Variants in FRMPD4 observed in about 807,000 individuals in gnomAD.
The protein encoded by FRMPD4 is FERM and PDZ domain containing 4, also known as FERM and PDZ domain-containing protein 4.
Under a neutral mutation model 94.1 loss-of-function variants are expected in FRMPD4, and 22 were observed. The observed-to-expected ratio is 0.23, with a 90% CI of 0.17 to 0.33. FRMPD4 has a LOEUF of 0.33. Among genes scored for constraint, FRMPD4 ranks in the 10% least tolerant of loss-of-function variants. The pLI, the probability that FRMPD4 is intolerant of heterozygous loss-of-function variation, is 1.00. For missense variants in FRMPD4, 1,111 were observed against 1,339.9 expected, an observed-to-expected ratio of 0.83 and a Z score of 2.67; for synonymous variants, 631 against 548.6, an observed-to-expected ratio of 1.15 and a Z score of -2.10.
At chrX:12,024,130 C>T (rs777925615) in intron 3 of FRMPD4, among the ~76,000 whole-genome samples, 35 of 112,042 alleles carry the variant, frequency 3.1e-4, no homozygotes, top group African/African-American at 1.1e-3. Flanking sequence ...TATCTATAAT[C>T]TGTACTCTAG....
intron 3 of FRMPD4, among the ~76,000 whole-genome samples, chrX:11,987,121 A>AAAAAAAAAAAAAAC (rs2054434883): frequency 1.1e-5 from 1 of 91,405 alleles, no homozygotes; most frequent in Non-Finnish European, 2.3e-5. Context: ...AAAAAAAAAA[A>AAAAAAAAAAAAAAC]AAAAAAAACA....
chrX:11,900,015 A>G (rs2053925704), intron 3 of FRMPD4, among the ~76,000 whole-genome samples: 1 of 112,169 alleles, frequency 8.9e-6, no homozygotes, highest in South Asian at 3.7e-4. Context: ...GATGTAACAG[A>G]TAGTTTTAGG....
chrX:12,228,936 C>A (rs2056953213), intron 1 of FRMPD4, among the ~76,000 whole-genome samples: 1 of 111,765 alleles, frequency 8.9e-6, no homozygotes, highest in Non-Finnish European at 1.9e-5. Context: ...CTTTAGAAGC[C>A]TGTGTCAGTT....
intron 3 of FRMPD4, among the ~76,000 whole-genome samples, chrX:12,011,021 A>C (rs1245145111): frequency 8.9e-6 from 1 of 112,720 alleles, no homozygotes; most frequent in African/African-American, 3.2e-5. Flanking sequence ...GGTGTAAGAC[A>C]GGAAAACCAT....
At chrX:11,846,748 T>G (rs1230522251) in intron 1 of FRMPD4, among the ~76,000 whole-genome samples, 1 of 109,018 alleles carries the variant, frequency 9.2e-6, no homozygotes, top group Non-Finnish European at 1.9e-5. Context: ...CTATCTGATC[T>G]TTGGCAAACC....
chrX:12,571,468 G>A (rs995353042), intron 2 of FRMPD4, among the ~76,000 whole-genome samples: 3 of 112,434 alleles, frequency 2.7e-5, no homozygotes, highest in African/African-American at 6.5e-5. Flanking sequence ...TTTCTCCTAG[G>A]AGCCATTTCA....
At chrX:12,319,978 G>A (rs1273956902) in intron 1 of FRMPD4, among the ~76,000 whole-genome samples, 1 of 112,035 alleles carries the variant, frequency 8.9e-6, no homozygotes, top group Non-Finnish European at 1.9e-5. Flanking sequence ...GATTATTTCA[G>A]TAATAATCCT....
chrX:12,712,441 C>T (rs895767631), intron 14 of FRMPD4, among the ~76,000 whole-genome samples: 5 of 110,605 alleles, frequency 4.5e-5, no homozygotes, highest in African/African-American at 1.6e-4. Flanking sequence ...CCTAGCTACA[C>T]GGGAGGCTGA....
intron 3 of FRMPD4, among the ~76,000 whole-genome samples, chrX:11,991,231 G>C (rs1169509981): frequency 8.9e-6 from 1 of 111,774 alleles, no homozygotes; most frequent in Non-Finnish European, 1.9e-5. Flanking sequence ...TCATGTGCTT[G>C]TGTGAACACC....
At chrX:11,952,919 C>A (rs1029611729) in intron 3 of FRMPD4, among the ~76,000 whole-genome samples, 1 of 111,787 alleles carries the variant, frequency 8.9e-6, no homozygotes, top group Non-Finnish European at 1.9e-5. Context: ...GGGTGATGCC[C>A]AGCAAACTGT....
chrX:12,464,484 A>G (rs1039434816), intron 1 of FRMPD4, among the ~76,000 whole-genome samples: 1 of 112,336 alleles, frequency 8.9e-6, no homozygotes, highest in Non-Finnish European at 1.9e-5. Context: ...ATAGACATCT[A>G]TTATTAGGAG....
At chrX:11,991,003 G>A (rs1318850270) in intron 3 of FRMPD4, among the ~76,000 whole-genome samples, 2 of 111,887 alleles carry the variant, frequency 1.8e-5, no homozygotes, top group Non-Finnish European at 3.8e-5. Context: ...TTAGCTCCTA[G>A]AGGCCATCCT....
At chrX:11,907,645 C>T (rs1227104889) in intron 3 of FRMPD4, among the ~76,000 whole-genome samples, 1 of 111,283 alleles carries the variant, frequency 9.0e-6, no homozygotes, top group Admixed American at 9.5e-5. Flanking sequence ...AGAGCTCCAC[C>T]CTTATGACCT....
intron 3 of FRMPD4, among the ~76,000 whole-genome samples, chrX:12,067,809 T>C (rs2054934355): frequency 8.9e-6 from 1 of 112,302 alleles, no homozygotes; most frequent in African/African-American, 3.2e-5. Flanking sequence ...TTACTCAGTA[T>C]AGTACATCTT....
chrX:12,625,614 G>A (rs1020820632), intron 4 of FRMPD4, among the ~76,000 whole-genome samples: 1 of 111,792 alleles, frequency 8.9e-6, no homozygotes, highest in African/African-American at 3.3e-5. Flanking sequence ...AGAGTACATT[G>A]ATAGTTACCA....
chrX:11,904,928 C>T (rs188911817), intron 3 of FRMPD4, among the ~76,000 whole-genome samples: 1 of 112,417 alleles, frequency 8.9e-6, no homozygotes, highest in African/African-American at 3.2e-5. Flanking sequence ...GTGGCAGACA[C>T]AGTTGTTTGT....
chrX:12,277,048 G>A (rs2054450878), intron 1 of FRMPD4, among the ~76,000 whole-genome samples: 1 of 102,061 alleles, frequency 9.8e-6, no homozygotes, highest in African/African-American at 3.6e-5. Context: ...GTGAACCCGG[G>A]AGGCGGAGCT....
chrX:12,075,988 T>C (rs956040507), intron 3 of FRMPD4, among the ~76,000 whole-genome samples: 10 of 112,319 alleles, frequency 8.9e-5, no homozygotes, highest in Non-Finnish European at 1.7e-4. Flanking sequence ...AAACTGTTTC[T>C]GCCTTTGTTT....
chrX:12,444,492 G>T (rs2057173426), intron 1 of FRMPD4, among the ~76,000 whole-genome samples: 1 of 112,123 alleles, frequency 8.9e-6, no homozygotes, highest in Non-Finnish European at 1.9e-5. Flanking sequence ...CTACTAGACA[G>T]TGAAGTTCTT....
Sources: gnomAD v4.1 joint callset for allele counts (sites outside exome capture counted in the v4.1 genomes callset) on GRCh38, gnomAD v4.1.1 for gene constraint, MANE v1.5 for transcripts, NCBI Gene and HGNC (gene_info 2026-07-23, HGNC 2026-07-21) for gene names.